Variants in SMAD3 observed in about 807,000 individuals in gnomAD.
SMAD3 encodes MAD homolog 3.
SMAD3 carries 12 observed loss-of-function variants against 51.8 expected under a neutral mutation model. That is an observed-to-expected ratio of 0.23 (90% CI 0.15 to 0.38). SMAD3 has a LOEUF of 0.38. SMAD3 is among the 10% of genes least tolerant of loss of function. The pLI is 1.00. For missense variants in SMAD3, 294 were observed against 565.6 expected, an observed-to-expected ratio of 0.52 and a Z score of 4.87; for synonymous variants, 238 against 227.7, an observed-to-expected ratio of 1.05 and a Z score of -0.41.
chr15:67,186,884 C>T, intron 7 of SMAD3: 4 of 357,260 alleles, frequency 1.1e-5, no homozygotes, highest in South Asian at 6.3e-5. Flanking sequence ...GCCTTTCGGC[C>T]AGCCCGTCTC....
intron 1 of SMAD3, among the ~76,000 whole-genome samples, chr15:67,124,604 C>T (rs74421030): frequency 0.021 from 3,152 of 152,336 alleles, 123 homozygotes; most frequent in African/African-American, 0.072. Context: ...CAGAATGCCT[C>T]ATTACCACGT....
Position 67,165,162 on chromosome 15 carries a change from C to T in SMAD3, c.400+74C>T, listed in dbSNP as rs574374363. On this transcript the variant is annotated intron_variant, in intron 2 of 8. Transcript: ENST00000327367. ...ACCTCTCCCCGGCTCCCCATCCCCCCGAGGGTCTGCGGTGCACTTGGGGGT... is the reference window on the plus strand; with the variant it reads ...ACCTCTCCCCGGCTCCCCATCCCCCTGAGGGTCTGCGGTGCACTTGGGGGT... 32 of 1,611,826 alleles carry T rather than the reference C, an allele frequency of 2.0e-5. No individual in the cohort carries two copies. In the African/African-American group the frequency reaches 3.6e-4, roughly 18 times the overall value.
Position 67,066,106 on chromosome 15 carries a change from C to T in SMAD3, c.-49C>T, listed in dbSNP as rs1959907228. 7 of 1,478,946 alleles carry T rather than the reference C, an allele frequency of 4.7e-6. No individual in the cohort carries two copies. In the East Asian group the frequency reaches 1.7e-4, roughly 37 times the overall value. The allele number at this position is 1,478,946 out of a possible 1,614,324, so 91.6% of individuals were successfully genotyped here. A position where few individuals can be genotyped will look rare whatever the true frequency, so the allele number is the denominator to read the frequency against. On this transcript the variant is annotated 5_prime_UTR_variant, in exon 1 of 9. Transcript: ENST00000327367. ...TCTGCGCCCCCGGCGTCCCGTCGAG[C>T]CCAGCCCCGCCGGGGGCGCTCCTCG... is the stretch of plus-strand genomic sequence containing the variant.
chr15:67,146,429 C>T (rs550559007), intron 1 of SMAD3, among the ~76,000 whole-genome samples: 36 of 152,254 alleles, frequency 2.4e-4, no homozygotes, highest in African/African-American at 6.3e-4. Flanking sequence ...AGACCCAGGG[C>T]ACGTGGCCAG....
intron 1 of SMAD3, among the ~76,000 whole-genome samples, chr15:67,077,219 C>CTGTATGTA (rs563181664): frequency 2.6e-5 from 4 of 151,708 alleles, no homozygotes; most frequent in Non-Finnish European, 5.9e-5. Context: ...GCAGGCATTT[C>CTGTATGTA]TGTATGTATG....
At chr15:67,146,390 C>T (rs1174221295) in intron 1 of SMAD3, among the ~76,000 whole-genome samples, 1 of 152,176 alleles carries the variant, frequency 6.6e-6, no homozygotes, top group Non-Finnish European at 1.5e-5. Flanking sequence ...AATGTGACAG[C>T]CTGCCAGAGA....
At chr15:67,146,686 G>A (rs928828363) in intron 1 of SMAD3, among the ~76,000 whole-genome samples, 3 of 152,174 alleles carry the variant, frequency 2.0e-5, no homozygotes, top group East Asian at 1.9e-4. Context: ...ATGCCTGAGC[G>A]GGGAGAGAAG....
intron 1 of SMAD3, among the ~76,000 whole-genome samples, chr15:67,118,157 C>T (rs1424566904): frequency 1.3e-5 from 2 of 152,224 alleles, no homozygotes; most frequent in Admixed American, 6.5e-5. Flanking sequence ...TGCTGCCTGG[C>T]ACAGCAATTG....
At chr15:67,142,426 G>A (rs1961855856) in intron 1 of SMAD3, among the ~76,000 whole-genome samples, 1 of 152,114 alleles carries the variant, frequency 6.6e-6, no homozygotes, top group Admixed American at 6.5e-5. Flanking sequence ...TCACCAATGG[G>A]TTGGAAAGCA....
intron 7 of SMAD3, among the ~76,000 whole-genome samples, chr15:67,185,538 A>C (rs964749380): frequency 6.6e-6 from 1 of 152,000 alleles, no homozygotes; most frequent in Admixed American, 6.6e-5. Context: ...CCGTCAGGGG[A>C]AATGTTTCAA....
Position 67,192,545 on chromosome 15 carries a change from AAT to A in SMAD3, c.*2012_*2013del, listed in dbSNP as rs1357316265. ...AGCCAGCTCTGAGACCCAGGAACCA[AAT>A]ATTCCATTTTGGCTTCTGCTAGAGC... On this transcript the variant is annotated 3_prime_UTR_variant, in exon 9 of 9. Coordinates refer to ENST00000327367, the MANE Select transcript of SMAD3 (RefSeq NM_005902.4). 1 of 233,232 alleles carries A rather than the reference AAT, an allele frequency of 4.3e-6. No individual in the cohort carries two copies. Among genetic ancestry groups the A allele is most frequent in the Non-Finnish European group, 8.5e-6 (1 of 118,034 alleles). 14.4% of individuals were successfully genotyped at this position (233,232 alleles called of 1,614,324 possible). A position where few individuals can be genotyped will look rare whatever the true frequency, so the allele number is the denominator to read the frequency against.
intron 4 of SMAD3, among the ~76,000 whole-genome samples, chr15:67,168,643 G>T (rs1962657648): frequency 6.6e-6 from 1 of 152,234 alleles, no homozygotes; most frequent in African/African-American, 2.4e-5. Flanking sequence ...GTCAGCTCTT[G>T]TTTCTTCTCC....
Position 67,065,757 on chromosome 15 carries a change from G to C in SMAD3, c.-398G>C. On this transcript the variant is annotated 5_prime_UTR_variant, in exon 1 of 9. Coordinates refer to ENST00000327367, the MANE Select transcript of SMAD3 (RefSeq NM_005902.4). ...ATCTGCGCATCAAAGCTAGCGAGGC[G>C]AGCGAAGTTTGGCCGGGGGTTGGAC... is the stretch of plus-strand genomic sequence containing the variant. The C allele has an allele frequency of 5.0e-6, 1 of 199,284 alleles. No homozygotes were observed. Among genetic ancestry groups the C allele is most frequent in the Middle Eastern group, 1.7e-3 (1 of 584 alleles). 12.3% of individuals were successfully genotyped at this position (199,284 alleles called of 1,614,324 possible).
At chr15:67,134,817 G>A (rs968693430) in intron 1 of SMAD3, among the ~76,000 whole-genome samples, 26 of 152,176 alleles carry the variant, frequency 1.7e-4, no homozygotes, top group Admixed American at 2.0e-4. Flanking sequence ...TCCTGCTCTG[G>A]GAGCTTTATG....
chr15:67,152,894 C>T (rs1345982352), intron 1 of SMAD3, among the ~76,000 whole-genome samples: 1 of 152,178 alleles, frequency 6.6e-6, no homozygotes. Flanking sequence ...TCCTCCTCCT[C>T]CTTCAATATT....
At chr15:67,154,026 C>T (rs1962218163) in intron 1 of SMAD3, among the ~76,000 whole-genome samples, 1 of 152,212 alleles carries the variant, frequency 6.6e-6, no homozygotes. Context: ...TGTTTCTTGG[C>T]TTCCCCCTCC....
intron 5 of SMAD3, among the ~76,000 whole-genome samples, chr15:67,177,000 G>A (rs916319626): frequency 3.2e-4 from 49 of 152,326 alleles, no homozygotes; most frequent in South Asian, 4.1e-4. Context: ...CTTACCCCCC[G>A]TAGTCATTCT....
intron 6 of SMAD3, 80 bp downstream of exon 6, chr15:67,181,533 C>T (rs1963061502): frequency 1.7e-6 from 2 of 1,196,366 alleles, no homozygotes; most frequent in Admixed American, 2.1e-5. Flanking sequence ...CCTGAACACA[C>T]AGCCTCTGAA....
At chr15:67,105,371 A>G (rs1487594478) in intron 1 of SMAD3, among the ~76,000 whole-genome samples, 1 of 152,154 alleles carries the variant, frequency 6.6e-6, no homozygotes, top group Non-Finnish European at 1.5e-5. Flanking sequence ...CTCCACGGCC[A>G]CAGTGGAAAC....
Sources: allele counts gnomAD v4.1 joint callset (sites outside exome capture counted in the v4.1 genomes callset), GRCh38; gene constraint gnomAD v4.1.1; transcripts MANE v1.5; gene names NCBI Gene and HGNC (gene_info 2026-07-23, HGNC 2026-07-21).